Variants in SYT14 observed in about 807,000 individuals in gnomAD.
SYT14 encodes synaptotagmin-14.
In SYT14, 32 loss-of-function variants were observed where a neutral mutation model predicts 74.2. The ratio of observed to expected loss-of-function variants is 0.43; its 90% confidence interval spans 0.33 to 0.58. The LOEUF is 0.58. Ranked by LOEUF, SYT14 falls within the 20% of genes least tolerant of loss-of-function variation. SYT14 has a pLI of 0.05. For missense variants in SYT14, 791 were observed against 981.8 expected, an observed-to-expected ratio of 0.81 and a Z score of 2.60; for synonymous variants, 298 against 337.7, an observed-to-expected ratio of 0.88 and a Z score of 1.29.
intron 5 of SYT14, among the ~76,000 whole-genome samples, chr1:210,031,596 A>C (rs917438232): frequency 6.6e-6 from 1 of 152,154 alleles, no homozygotes; most frequent in East Asian, 1.9e-4. Flanking sequence ...ATACATACCT[A>C]TTCAGGTCGT....
exon 10 of SYT14, chr1:210,166,648 G>C (rs2083459085): frequency 6.6e-6 from 1 of 151,810 alleles, no homozygotes; most frequent in South Asian, 2.1e-4. Context: ...TGAAGGAGAA[G>C]GGAAAGAAGG....
intron 5 of SYT14, among the ~76,000 whole-genome samples, chr1:210,086,321 G>T (rs375473555): frequency 8.5e-5 from 13 of 152,172 alleles, no homozygotes; most frequent in Admixed American, 7.8e-4. Flanking sequence ...GTGTAACTAC[G>T]TACATATCCC....
At chr1:209,966,858 A>G (rs905280487) in intron 2 of SYT14, among the ~76,000 whole-genome samples, 1 of 152,138 alleles carries the variant, frequency 6.6e-6, no homozygotes, top group Non-Finnish European at 1.5e-5. Context: ...TTCTAGTACA[A>G]TGTTGAATAG....
intron 1 of SYT14, among the ~76,000 whole-genome samples, chr1:209,945,115 C>T (rs2078802188): frequency 1.3e-5 from 2 of 152,124 alleles, no homozygotes; most frequent in African/African-American, 4.8e-5. Context: ...CTTGGCAACC[C>T]TACCCTCCAC....
intron 2 of SYT14, among the ~76,000 whole-genome samples, chr1:209,960,661 A>G (rs2079062754): frequency 6.6e-6 from 1 of 152,206 alleles, no homozygotes; most frequent in Non-Finnish European, 1.5e-5. Context: ...TAGCCTTTCA[A>G]ATATGATCCG....
exon 10 of SYT14, chr1:210,170,245 A>G (rs1391671911): frequency 6.6e-6 from 1 of 152,136 alleles, no homozygotes; most frequent in Non-Finnish European, 1.5e-5. Flanking sequence ...ACAGTGTTGT[A>G]TTATTGTCAC....
chr1:210,069,421 TTCTG>T (rs1469653576), intron 5 of SYT14, among the ~76,000 whole-genome samples: 1 of 151,954 alleles, frequency 6.6e-6, no homozygotes, highest in African/African-American at 2.4e-5. Context: ...TTCCTTGGAA[TTCTG>T]TCTGTTTTTC....
intron 2 of SYT14, among the ~76,000 whole-genome samples, chr1:209,975,854 G>A (rs1463435549): frequency 1.3e-5 from 2 of 152,204 alleles, no homozygotes; most frequent in African/African-American, 4.8e-5. Context: ...TGGTTGGTAA[G>A]CTATTAATTA....
intron 5 of SYT14, among the ~76,000 whole-genome samples, chr1:210,057,576 A>G (rs2081123926): frequency 6.6e-6 from 1 of 152,210 alleles, no homozygotes; most frequent in African/African-American, 2.4e-5. Context: ...ATGCAAATTT[A>G]ATAAATCAAT....
At chr1:209,993,810 AAGTACCAAAGAGTT>A (rs919440945) in intron 2 of SYT14, among the ~76,000 whole-genome samples, 3 of 152,144 alleles carry the variant, frequency 2.0e-5, no homozygotes, top group African/African-American at 7.2e-5. Context: ...GAAAGTGAGG[AAGTACCAAAGAGTT>A]GTGTGGCTGG....
chr1:210,095,945 A>G (rs889459172), intron 6 of SYT14, among the ~76,000 whole-genome samples: 1 of 152,170 alleles, frequency 6.6e-6, no homozygotes, highest in African/African-American at 2.4e-5. Context: ...TTTGTAAACT[A>G]CATATATAGC....
intron 2 of SYT14, among the ~76,000 whole-genome samples, chr1:209,993,762 T>C (rs2079736227): frequency 6.6e-6 from 1 of 152,002 alleles, no homozygotes. Flanking sequence ...CCTTCCCCTC[T>C]CCCCATCCCT....
At chr1:210,082,910 T>G (rs1177906158) in intron 5 of SYT14, among the ~76,000 whole-genome samples, 6 of 152,342 alleles carry the variant, frequency 3.9e-5, no homozygotes, top group African/African-American at 1.4e-4. Flanking sequence ...ATAGATGTAC[T>G]GAATAAGATT....
intron 4 of SYT14, among the ~76,000 whole-genome samples, chr1:210,018,887 C>G (rs529986528): frequency 6.6e-6 from 1 of 151,930 alleles, no homozygotes; most frequent in South Asian, 2.1e-4. Flanking sequence ...CCTGTAATCC[C>G]AGCACTTTGG....
chr1:210,010,946 A>C (rs1206572792), intron 2 of SYT14, among the ~76,000 whole-genome samples: 1 of 152,206 alleles, frequency 6.6e-6, no homozygotes, highest in Non-Finnish European at 1.5e-5. Context: ...TGCTTAAAAC[A>C]GTGAGTGGTG....
exon 10 of SYT14, chr1:210,168,880 G>T (rs1183916400): frequency 6.6e-6 from 1 of 152,072 alleles, no homozygotes; most frequent in Non-Finnish European, 1.5e-5. Context: ...GCACCAATAG[G>T]AGAAAAGGCC....
chr1:210,138,021 C>T (rs2082827726), intron 7 of SYT14, among the ~76,000 whole-genome samples: 1 of 152,076 alleles, frequency 6.6e-6, no homozygotes, highest in Non-Finnish European at 1.5e-5. Flanking sequence ...AAAAAAAAAT[C>T]AACATAAACA....
At chr1:209,965,962 C>T (rs756503156) in intron 2 of SYT14, 14 of 454,746 alleles carry the variant, frequency 3.1e-5, no homozygotes, top group Non-Finnish European at 5.7e-5. Flanking sequence ...CTTCCGCCTC[C>T]TGGGTTCAAA....
intron 7 of SYT14, among the ~76,000 whole-genome samples, chr1:210,150,892 T>C (rs1270401003): frequency 6.6e-6 from 1 of 152,178 alleles, no homozygotes; most frequent in Non-Finnish European, 1.5e-5. Flanking sequence ...TTTAATCATA[T>C]TGTTTTTTCT....
Sources: allele counts gnomAD v4.1 joint callset (sites outside exome capture counted in the v4.1 genomes callset), GRCh38; gene constraint gnomAD v4.1.1; transcripts MANE v1.5; gene names NCBI Gene and HGNC (gene_info 2026-07-23, HGNC 2026-07-21).